Variants in CTNNA3 observed in about 807,000 individuals in gnomAD.
CTNNA3 encodes the protein catenin alpha-3.
A neutral mutation model predicts 95.7 loss-of-function variants in CTNNA3; 76 were observed. The ratio of observed to expected loss-of-function variants is 0.79; its 90% CI spans 0.66 to 0.96. The LOEUF is 0.96. Ranked by LOEUF, CTNNA3 falls within the 40% of genes least tolerant of loss-of-function variation. The pLI is 0.00. For missense variants in CTNNA3, 1,191 were observed against 1,089.8 expected (o/e 1.09, Z -1.31); for synonymous variants, 431 against 374.4 (o/e 1.15, Z -1.74).
rs769056002 is a variant in CTNNA3 at position 66,520,549 on chromosome 10, T to G, written c.1531+68A>C. On this transcript the variant is annotated intron_variant, in intron 11 of 17. Coordinates refer to ENST00000433211, the MANE Select transcript of CTNNA3 (RefSeq NM_013266.4). ...TTACAGGCATGAGCCACCATGCCTGTCCCAGTATTATTCTATTTTATAAAA... is the reference window on the plus strand; with the variant it reads ...TTACAGGCATGAGCCACCATGCCTGGCCCAGTATTATTCTATTTTATAAAA... 4 of 1,427,472 alleles carry G rather than the reference T, an allele frequency of 2.8e-6. No individual in the cohort carries two copies. In the Admixed American group the frequency reaches 7.8e-5, roughly 28 times the overall value. 88.4% of individuals were successfully genotyped at this position (1,427,472 alleles called of 1,614,324 possible).
At chr10:67,664,577 GT>G (rs944238469) in intron 1 of CTNNA3, among the ~76,000 whole-genome samples, 6 of 151,504 alleles carry the variant, frequency 4.0e-5, no homozygotes, top group Non-Finnish European at 7.4e-5. Context: ...TTATTTTATT[GT>G]TTTTTTTCTT....
intron 5 of CTNNA3, among the ~76,000 whole-genome samples, chr10:67,380,796 A>T: frequency 6.6e-6 from 1 of 152,224 alleles, no homozygotes; most frequent in East Asian, 1.9e-4. Context: ...ACTACTATAA[A>T]TGGAGCAAAT....
At chr10:67,228,101 G>A (rs943114678) in intron 5 of CTNNA3, among the ~76,000 whole-genome samples, 7 of 151,942 alleles carry the variant, frequency 4.6e-5, no homozygotes, top group South Asian at 2.1e-4. Context: ...GACACTCTAC[G>A]GCTATACCTC....
intron 5 of CTNNA3, among the ~76,000 whole-genome samples, chr10:67,390,460 G>A (rs9733396): frequency 0.078 from 11,857 of 151,842 alleles, 723 homozygotes; most frequent in African/African-American, 0.17. Context: ...ATTCACAGCC[G>A]AATTCTACAA....
chr10:66,222,667 G>A (rs2089024369), intron 13 of CTNNA3, among the ~76,000 whole-genome samples: 1 of 149,748 alleles, frequency 6.7e-6, no homozygotes, highest in Non-Finnish European at 1.5e-5. Context: ...GAGTAAGGAA[G>A]GGAGGGATGG....
chr10:66,075,692 G>A lies in CTNNA3; in HGVS notation c.1978-6203C>T, dbSNP rs1010626888. On this transcript the variant is annotated intron_variant, in intron 14 of 17. Transcript: ENST00000433211. ...CGCCATTATAATTATCTTATTCTCA[G>A]AAGCCCCAGAATCCACATCACTTAT... 3.3e-5 allele frequency among the ~76,000 whole-genome samples: 5 copies of A among 151,672 alleles called. No homozygotes were observed. The South Asian group carries it at 6.2e-4, about 19-fold the overall frequency.
At chr10:67,597,195 G>A (rs1842957881) in intron 3 of CTNNA3, among the ~76,000 whole-genome samples, 1 of 152,140 alleles carries the variant, frequency 6.6e-6, no homozygotes, top group Non-Finnish European at 1.5e-5. Context: ...TCCTTGGATT[G>A]GGTTTCAACT....
chr10:66,644,890 C>A (rs1436831066), intron 9 of CTNNA3, among the ~76,000 whole-genome samples: 1 of 152,122 alleles, frequency 6.6e-6, no homozygotes, highest in Admixed American at 6.6e-5. Flanking sequence ...ATAACTATAT[C>A]CATCTCCCTC....
chr10:66,410,902 G>A (rs1056384972), intron 11 of CTNNA3, among the ~76,000 whole-genome samples: 3 of 152,220 alleles, frequency 2.0e-5, no homozygotes, highest in Admixed American at 6.5e-5. Context: ...TTAAACCAGC[G>A]GAACTCTTAA....
chr10:66,693,643 A>T (rs942148874), intron 9 of CTNNA3, among the ~76,000 whole-genome samples: 1 of 152,058 alleles, frequency 6.6e-6, no homozygotes, highest in Non-Finnish European at 1.5e-5. Flanking sequence ...TTCACCCCAA[A>T]TCAACAGAAT....
chr10:67,689,939 A>G (rs190830878), intron 1 of CTNNA3, among the ~76,000 whole-genome samples: 1 of 152,310 alleles, frequency 6.6e-6, no homozygotes, highest in East Asian at 1.9e-4. Context: ...TCACTTGGCA[A>G]TAGGCGAGAG....
chr10:67,536,703 G>A (rs1436919330), intron 4 of CTNNA3, among the ~76,000 whole-genome samples: 1 of 152,120 alleles, frequency 6.6e-6, no homozygotes, highest in Non-Finnish European at 1.5e-5. Context: ...GAGTTAAACA[G>A]GCTTCTTCAT....
At chr10:67,364,599 C>T (rs187926588) in intron 5 of CTNNA3, among the ~76,000 whole-genome samples, 1 of 152,140 alleles carries the variant, frequency 6.6e-6, no homozygotes, top group Admixed American at 6.5e-5. Context: ...AACAGAGAGC[C>T]AAATCATGAG....
rs574508803 is a variant in CTNNA3, at chr10:66,233,075, G to A, written c.1884+47395C>T. Among the ~76,000 whole-genome samples the A allele has an allele frequency of 2.0e-5, 3 of 148,712 alleles. No homozygotes were observed. The East Asian group carries it at 6.1e-4, about 30-fold the overall frequency. On this transcript the variant is annotated intron_variant, in intron 13 of 17. Coordinates refer to ENST00000433211, the MANE Select transcript of CTNNA3 (RefSeq NM_013266.4). ...CTGGGGAGGCTGAGGCAGGAGAATG[G>A]CGTGAACCCGGGAGGCGGAGCTTGT... is the stretch of plus-strand genomic sequence containing the variant.
At chr10:66,149,836 C>A (rs2084099012) in intron 13 of CTNNA3, among the ~76,000 whole-genome samples, 1 of 151,944 alleles carries the variant, frequency 6.6e-6, no homozygotes, top group African/African-American at 2.4e-5. Flanking sequence ...TAAACTATCT[C>A]ATTATTATAG....
intron 10 of CTNNA3, among the ~76,000 whole-genome samples, chr10:66,590,311 G>A (rs1365431623): frequency 6.6e-6 from 1 of 152,012 alleles, no homozygotes; most frequent in Non-Finnish European, 1.5e-5. Context: ...GAAGACTAGA[G>A]CACCCATTTC....
At chr10:66,400,517 TATATAG>T (rs1352432565) in intron 11 of CTNNA3, among the ~76,000 whole-genome samples, 1 of 152,046 alleles carries the variant, frequency 6.6e-6, no homozygotes, top group African/African-American at 2.4e-5. Context: ...AAGAGTGATA[TATATAG>T]ATATAGATAT....
At chr10:66,951,533 A>T (rs1203216603) in intron 7 of CTNNA3, among the ~76,000 whole-genome samples, 1 of 152,198 alleles carries the variant, frequency 6.6e-6, no homozygotes. Context: ...CATATTCCGG[A>T]TAGGGAAACT....
chr10:66,721,177 G>A (rs1039016060), intron 9 of CTNNA3, among the ~76,000 whole-genome samples: 2 of 152,082 alleles, frequency 1.3e-5, no homozygotes, highest in Admixed American at 6.6e-5. Flanking sequence ...ATTTCCTCAC[G>A]GAAAGAGACC....
Sources: allele counts gnomAD v4.1 joint callset (sites outside exome capture counted in the v4.1 genomes callset), GRCh38; gene constraint gnomAD v4.1.1; transcripts MANE v1.5; gene names NCBI Gene and HGNC (gene_info 2026-07-23, HGNC 2026-07-21).